Variants in LRRC41 observed in about 807,000 individuals in gnomAD.
LRRC41 encodes leucine rich repeat containing 41.
A neutral mutation model predicts 72.1 loss-of-function variants in LRRC41; 17 were observed. That is an observed-to-expected ratio of 0.24 (90% CI 0.16 to 0.35). The LOEUF (loss-of-function observed/expected upper bound fraction) is 0.35. Ranked by LOEUF, LRRC41 falls within the 10% of genes least tolerant of loss-of-function variation. The probability of loss-of-function intolerance (pLI) is 1.00; values close to 1 mark genes in which losing one functional copy is unlikely to be tolerated. For missense variants in LRRC41, 759 were observed against 1,065.0 expected (o/e 0.71, Z 4.00); for synonymous variants, 427 against 431.0 (o/e 0.99, Z 0.11).
At chr1:46,283,900 G>A (rs1037354006) in intron 4 of LRRC41, among the ~76,000 whole-genome samples, 1 of 152,032 alleles carries the variant, frequency 6.6e-6, no homozygotes, top group Admixed American at 6.6e-5. Flanking sequence ...TCCTGACCTC[G>A]TGATCCACCC....
chr1:46,288,338 C>G (rs1446532476), intron 3 of LRRC41, among the ~76,000 whole-genome samples: 1 of 152,238 alleles, frequency 6.6e-6, no homozygotes, highest in East Asian at 1.9e-4. Context: ...CTCTGAACCT[C>G]TTCCCTCATC....
intron 1 of LRRC41, chr1:46,300,330 T>C (rs1436966842): frequency 6.6e-6 from 1 of 152,122 alleles, no homozygotes; most frequent in African/African-American, 2.4e-5. Flanking sequence ...AGACCCCATC[T>C]CAAAGAAAAA....
chr1:46,287,399 C>T (rs537016588), intron 3 of LRRC41, among the ~76,000 whole-genome samples: 4 of 152,324 alleles, frequency 2.6e-5, no homozygotes, highest in South Asian at 4.1e-4. Flanking sequence ...TGAGCCACCA[C>T]GCCTGGCCTC....
intron 3 of LRRC41, among the ~76,000 whole-genome samples, chr1:46,294,589 ATTCTT>A (rs1325856346): frequency 2.4e-5 from 3 of 127,366 alleles, no homozygotes; most frequent in African/African-American, 8.5e-5. Context: ...TTTACAACTA[ATTCTT>A]TTTTTTTTTT....
In LRRC41 at chr1:46,281,343, G is replaced by A; in HGVS notation, c.1538C>T (p.Ala513Val). 1 of 1,614,142 alleles carries A rather than the reference G, an allele frequency of 6.2e-7. No individual in the cohort carries two copies. The highest frequency in any genetic ancestry group is 1.1e-5 in the South Asian group (1 of 91,076). The change falls in exon 5 of 10, where the codon GCC (alanine) becomes GTC (valine). Residue 513 changes from alanine to valine, a missense_variant. This residue lies in a region of LRRC41 where 427 missense variants were observed against 520.9 expected (regional missense o/e 0.82). Coordinates refer to ENST00000617190, the MANE Select transcript of LRRC41 (RefSeq NM_006369.5). ...NIFRLLDSLR[A>V]LSGQAGCRLR... ...GCGACATCCAGCCTGGCCTGACAGGGCCCGCAGGCTGTCTAGCAGGCGGAA... is the reference window on the plus strand; with the variant it reads ...GCGACATCCAGCCTGGCCTGACAGGACCCGCAGGCTGTCTAGCAGGCGGAA...
chr1:46,303,395 C>A lies in LRRC41; in HGVS notation c.-73G>T. On this transcript the variant is annotated 5_prime_UTR_variant, in exon 1 of 10. Transcript: ENST00000617190. ...TTGAAAAGGTCAGCAGTTAGGACGG[C>A]TCCATAAGCGATATGGGGAAGAATG... 7.5e-7 allele frequency: 1 copy of A among 1,333,138 alleles called. No homozygotes were observed. Among genetic ancestry groups the A allele is most frequent in the Non-Finnish European group, 1.0e-6 (1 of 1,004,572 alleles). The allele number at this position is 1,333,138 out of a possible 1,614,324, so 82.6% of individuals were successfully genotyped here.
In LRRC41 at chr1:46,281,187, T is replaced by C; in HGVS notation, c.1694A>G (p.Asn565Ser). 6.2e-7 allele frequency: 1 copy of C among 1,614,112 alleles called. No individual in the cohort carries two copies. The highest frequency in any genetic ancestry group is 8.5e-7 in the Non-Finnish European group (1 of 1,180,014). ...CCCTGCATTCCCTGGCACACCAGGG[T>C]TGTCCCGCTGGCTTGGGTGGTCAAC... ...IRVDHPSQRD[N>S]PGVPGNAGPP... is the part of the protein sequence containing the mutation. Residue 565 changes from asparagine to serine, a missense_variant, in exon 5 of 10, where the codon AAC becomes AGC. Physicochemically the swap from Asn to Ser is conservative, Grantham distance 46. Transcript: ENST00000617190.
At position 46,303,256 on chromosome 1, in the gene LRRC41, T is replaced by C; in HGVS notation, c.67A>G (p.Met23Val). 1 of 1,548,498 alleles carries C rather than the reference T, an allele frequency of 6.5e-7. No homozygotes were observed. Residue 23 changes from methionine (M) to valine (V), a missense_variant, in exon 1 of 10, where the codon ATG becomes GTG. By Grantham distance (21) the Met-to-Val change is conservative. This residue lies in a region of LRRC41 where 106 missense variants were observed against 66.1 expected (regional missense o/e 1.60). Coordinates refer to ENST00000617190, the MANE Select transcript of LRRC41 (RefSeq NM_006369.5). ...GCCGCCTCCCGGGACGTGGCCTCCA[T>C]GGTCGTTGCCGCCGCTACCTCACAG... is the stretch of plus-strand genomic sequence containing the variant. ...WFCEVAAATTMEATSREAAPA... is the reference protein window; with the variant it reads ...WFCEVAAATTVEATSREAAPA...
intron 1 of LRRC41, among the ~76,000 whole-genome samples, chr1:46,301,360 CCTT>C (rs1221776975): frequency 1.3e-5 from 2 of 152,140 alleles, no homozygotes; most frequent in African/African-American, 4.8e-5. Flanking sequence ...ACCCTCTCTG[CCTT>C]CTTCCCCATG....
chr1:46,283,354 C>T (rs368048114), intron 4 of LRRC41, among the ~76,000 whole-genome samples: 3 of 152,270 alleles, frequency 2.0e-5, no homozygotes, highest in African/African-American at 4.8e-5. Flanking sequence ...CTTAATGGCT[C>T]ATGACTATAA....
chr1:46,288,738 G>A (rs1462368914), intron 3 of LRRC41, among the ~76,000 whole-genome samples: 1 of 152,182 alleles, frequency 6.6e-6, no homozygotes, highest in Non-Finnish European at 1.5e-5. Flanking sequence ...TAATAGTTAG[G>A]AATGACTTCC....
chr1:46,280,445 G>A lies in LRRC41; in HGVS notation c.1872C>T (p.Ala624=). 1 of 1,614,190 alleles carries A rather than the reference G, an allele frequency of 6.2e-7. No homozygotes were observed. Among genetic ancestry groups the A allele is most frequent in the Non-Finnish European group, 8.5e-7 (1 of 1,180,034 alleles). The change falls in exon 6 of 10, where the codon GCC becomes GCT. Residue 624 remains alanine, a synonymous_variant. Coordinates refer to ENST00000617190, the MANE Select transcript of LRRC41 (RefSeq NM_006369.5). ...GSLQQLSLDS[A]TFASPQDFGL... ...CAAAATCCTGGGGAGAGGCAAAGGT[G>A]GCACTATCCAGGGACAGCTGCTGCA...
At position 46,303,104 on chromosome 1, in the gene LRRC41, C is replaced by T. The variant is rs1303882867; in HGVS notation, c.199+20G>A. 9.5e-6 allele frequency: 13 copies of T among 1,372,138 alleles called. No homozygotes were observed. Among genetic ancestry groups the T allele is most frequent in the Non-Finnish European group, 1.2e-5 (13 of 1,063,786 alleles). 85.0% of individuals were successfully genotyped at this position (1,372,138 alleles called of 1,614,324 possible). Reference sequence around the variant, plus strand: ...GCCCCTTGCTCTTAGCCAGAGGTAGCCCCTCACCCCGCGACTTACCCCACA... The same window carrying T: ...GCCCCTTGCTCTTAGCCAGAGGTAGTCCCTCACCCCGCGACTTACCCCACA... On this transcript the variant is annotated intron_variant, in intron 1 of 9. Coordinates refer to ENST00000617190, the MANE Select transcript of LRRC41 (RefSeq NM_006369.5).
chr1:46,278,837 A>G lies in LRRC41; in HGVS notation c.*28T>C. On this transcript the variant is annotated 3_prime_UTR_variant, in exon 10 of 10. Coordinates refer to ENST00000617190, the MANE Select transcript of LRRC41 (RefSeq NM_006369.5). ...CAGCCCCTGCAAGCTGATGGTACCG[A>G]GCATGAGACTGTGAGGTACGGGCCC... 2 of 1,598,198 alleles carry G rather than the reference A, an allele frequency of 1.3e-6. No individual in the cohort carries two copies. The highest frequency in any genetic ancestry group is 1.7e-6 in the Non-Finnish European group (2 of 1,173,218).
rs1048427495 is a variant in LRRC41 at position 46,302,127 on chromosome 1, C to G, written c.199+997G>C. ...CGGCCGTTCATCCCGGCGCCCCAGG[C>G]CGCCCTCCATCCAGGCCCGGCCCTT... On this transcript the variant is annotated intron_variant, in intron 1 of 9. Transcript: ENST00000617190. The surrounding 1 kb of genome is among the most constrained non-coding windows in gnomAD (Gnocchi z 4.7). 1.0e-6 allele frequency: 1 copy of G among 985,362 alleles called. No individual in the cohort carries two copies. The highest frequency in any genetic ancestry group is 4.7e-5 in the South Asian group (1 of 21,292). The allele number at this position is 985,362 out of a possible 1,614,324, so 61.0% of individuals were successfully genotyped here.
intron 1 of LRRC41, 72 bp from the exon 2 acceptor site, chr1:46,298,442 T>G: frequency 2.2e-6 from 2 of 906,788 alleles, no homozygotes; most frequent in Non-Finnish European, 3.4e-6. Context: ...CAAGCATTAT[T>G]TATTCTACTG....
intron 2 of LRRC41, 46 bp from the exon 3 acceptor site, chr1:46,297,679 G>A (rs927636886): frequency 2.2e-6 from 3 of 1,357,446 alleles, no homozygotes; most frequent in Non-Finnish European, 3.2e-6. Context: ...GCCACCATGA[G>A]TAAAGTACAT....
chr1:46,280,668 C>T (rs892770906), intron 5 of LRRC41, 108 bp from the exon 6 acceptor site: 1 of 1,164,680 alleles, frequency 8.6e-7, no homozygotes, highest in African/African-American at 1.5e-5. Context: ...TTTATTCATT[C>T]ACTTGTCGTT....
chr1:46,287,329 C>T (rs1396870420), intron 3 of LRRC41, among the ~76,000 whole-genome samples: 1 of 151,204 alleles, frequency 6.6e-6, no homozygotes. Flanking sequence ...AGGATGGTCT[C>T]GATCTCCTGA....
Sources: allele counts gnomAD v4.1 joint callset (sites outside exome capture counted in the v4.1 genomes callset), GRCh38; gene constraint gnomAD v4.1.1; regional missense constraint gnomAD v4.1.1; non-coding constraint Gnocchi (gnomAD v3.1); transcripts MANE v1.5; gene names NCBI Gene and HGNC (gene_info 2026-07-23, HGNC 2026-07-21).